The following ASTN2 variants were observed in gnomAD, a reference collection of about 807,000 sequenced individuals.
ASTN2 encodes the protein astrotactin 2, also known as astrotactin-2.
Under a neutral mutation model 139.8 loss-of-function variants are expected in ASTN2, and 54 were observed. The ratio of observed to expected loss-of-function variants is 0.39; its 90% CI spans 0.31 to 0.48. ASTN2 has a LOEUF of 0.48. Among genes scored for constraint, ASTN2 ranks in the 20% least tolerant of loss-of-function variants. The pLI, the probability that ASTN2 is intolerant of heterozygous loss-of-function variation, is 0.95. For synonymous variants in ASTN2, 756 were observed against 719.5 expected (o/e 1.05, Z -0.81); for missense variants, 1,565 against 1,725.1 (o/e 0.91, Z 1.64).
At chr9:117,143,958 C>T (rs562019609) in intron 3 of ASTN2, among the ~76,000 whole-genome samples, 1 of 152,154 alleles carries the variant, frequency 6.6e-6, no homozygotes, top group East Asian at 1.9e-4. Flanking sequence ...GAATTGTGTT[C>T]CCTCCTTCCC....
At chr9:117,054,796 C>T (rs1315387588) in intron 5 of ASTN2, among the ~76,000 whole-genome samples, 1 of 152,172 alleles carries the variant, frequency 6.6e-6, no homozygotes, top group Non-Finnish European at 1.5e-5. Flanking sequence ...TCTCCTAGAT[C>T]AGTGGTCCCC....
intron 10 of ASTN2, among the ~76,000 whole-genome samples, chr9:116,967,314 G>A (rs1836041219): frequency 6.6e-6 from 1 of 152,186 alleles, no homozygotes. Context: ...AGTCAGTGGT[G>A]GAGCTGGGAT....
chr9:117,014,425 G>T (rs1388002382), intron 6 of ASTN2, among the ~76,000 whole-genome samples: 4 of 152,094 alleles, frequency 2.6e-5, no homozygotes, highest in Non-Finnish European at 5.9e-5. Context: ...AACCACTCTG[G>T]AGGAACATTA....
chr9:116,973,076 T>C (rs753113931), intron 10 of ASTN2, among the ~76,000 whole-genome samples: 7 of 152,212 alleles, frequency 4.6e-5, no homozygotes, highest in African/African-American at 1.7e-4. Flanking sequence ...ATCTACATAG[T>C]GCAGATTCTC....
rs137893346 is a variant in ASTN2, at chr9:117,178,507, G to A, written c.1015+35851C>T. Among the ~76,000 whole-genome samples, 556 of 152,234 alleles carry A rather than the reference G, an allele frequency of 3.7e-3. 3 individuals are homozygous for A. The highest frequency in any genetic ancestry group is 0.014 in the South Asian group (69 of 4,824). The stretch of plus-strand genomic sequence containing the variant: ...CAGAGATATATGTCCAACAGGAGAG[G>A]CCAGCATAGACAAAAATCAGCAGCA... On this transcript the variant is annotated intron_variant, in intron 3 of 22. Coordinates refer to ENST00000313400, the MANE Select transcript of ASTN2 (RefSeq NM_001365068.1).
chr9:116,459,802 G>A (rs1848433203), intron 20 of ASTN2, among the ~76,000 whole-genome samples: 1 of 152,012 alleles, frequency 6.6e-6, no homozygotes, highest in Non-Finnish European at 1.5e-5. Context: ...TATTGGTGGT[G>A]GAAATGCAGA....
At chr9:116,816,367 T>C (rs1831329475) in intron 12 of ASTN2, among the ~76,000 whole-genome samples, 1 of 152,194 alleles carries the variant, frequency 6.6e-6, no homozygotes, top group South Asian at 2.1e-4. Context: ...TCAATCTATC[T>C]TGAATTCACC....
chr9:116,652,919 C>T (rs1858001064), intron 16 of ASTN2, among the ~76,000 whole-genome samples: 1 of 152,180 alleles, frequency 6.6e-6, no homozygotes, highest in Admixed American at 6.5e-5. Flanking sequence ...TGCTTTTCCC[C>T]TCTGCCTCTC....
intron 19 of ASTN2, among the ~76,000 whole-genome samples, chr9:116,517,481 C>T (rs1850700522): frequency 6.6e-6 from 1 of 152,200 alleles, no homozygotes; most frequent in Non-Finnish European, 1.5e-5. Context: ...GGGAGCACCC[C>T]ATGGGACAAA....
intron 1 of ASTN2, among the ~76,000 whole-genome samples, chr9:117,404,005 T>C (rs1477866375): frequency 6.6e-6 from 1 of 152,212 alleles, no homozygotes; most frequent in East Asian, 1.9e-4. Context: ...CATTCATTAT[T>C]GATTCATACC....
chr9:116,549,110 C>A (rs1418409585), intron 19 of ASTN2, among the ~76,000 whole-genome samples: 1 of 151,708 alleles, frequency 6.6e-6, no homozygotes, highest in African/African-American at 2.4e-5. Context: ...AGTTTAAAAC[C>A]ACATAATGAG....
rs978390834 is a variant in ASTN2 at position 116,794,318 on chromosome 9, G to A, written c.2396+11314C>T. Reference sequence around the variant, plus strand: ...TCTCCATGTTGGTCAGGCTGGTCTCGAACTCCTGACCTCAGGTGATCCACC... The same window carrying A: ...TCTCCATGTTGGTCAGGCTGGTCTCAAACTCCTGACCTCAGGTGATCCACC... On this transcript the variant is annotated intron_variant, in intron 13 of 22. Transcript: ENST00000313400. Among the ~76,000 whole-genome samples, 12 of 151,942 alleles carry A rather than the reference G, an allele frequency of 7.9e-5. No individual in the cohort carries two copies. In the East Asian group the frequency reaches 9.7e-4, roughly 12 times the overall value.
chr9:117,013,481 TATATA>T (rs1204182323), intron 6 of ASTN2, among the ~76,000 whole-genome samples: 9 of 37,764 alleles, frequency 2.4e-4, no homozygotes, highest in Admixed American at 4.7e-4. Context: ...TATATATATA[TATATA>T]TTTTTTTTTT....
intron 11 of ASTN2, among the ~76,000 whole-genome samples, chr9:116,855,429 T>G (rs990072721): frequency 6.6e-6 from 1 of 152,154 alleles, no homozygotes; most frequent in African/African-American, 2.4e-5. Flanking sequence ...CTTTACTGGC[T>G]ATTCTTATGT....
intron 3 of ASTN2, among the ~76,000 whole-genome samples, chr9:117,146,624 T>C (rs1281554682): frequency 1.3e-5 from 2 of 150,922 alleles, no homozygotes; most frequent in Admixed American, 1.3e-4. Context: ...CGAGGAGACA[T>C]GGAAAAGAAA....
intron 2 of ASTN2, among the ~76,000 whole-genome samples, chr9:117,281,188 C>T (rs1255437813): frequency 1.3e-5 from 2 of 152,198 alleles, no homozygotes; most frequent in Non-Finnish European, 2.9e-5. Context: ...CCCTGGGCAC[C>T]TTGCTGATGC....
At chr9:117,412,381 T>A (rs1020143482) in intron 1 of ASTN2, among the ~76,000 whole-genome samples, 1 of 152,142 alleles carries the variant, frequency 6.6e-6, no homozygotes, top group Non-Finnish European at 1.5e-5. Context: ...GAAGTCTCCA[T>A]GTGCAGGTTG....
At chr9:116,894,331 T>C (rs891783331) in intron 10 of ASTN2, among the ~76,000 whole-genome samples, 4 of 152,018 alleles carry the variant, frequency 2.6e-5, no homozygotes, top group African/African-American at 9.7e-5. Context: ...AAAAAGTCAA[T>C]GACTCCATTA....
chr9:116,455,639 G>T (rs1848310094), intron 20 of ASTN2, among the ~76,000 whole-genome samples: 1 of 151,416 alleles, frequency 6.6e-6, no homozygotes, highest in Admixed American at 6.6e-5. Context: ...TGAAGAAAAA[G>T]GTAATTTGGA....
Sources: allele counts gnomAD v4.1 joint callset (sites outside exome capture counted in the v4.1 genomes callset), GRCh38; gene constraint gnomAD v4.1.1; transcripts MANE v1.5; gene names NCBI Gene and HGNC (gene_info 2026-07-23, HGNC 2026-07-21).